The following MYOM2 variants were observed in gnomAD, a reference collection of about 807,000 sequenced individuals.
The protein encoded by MYOM2 is myomesin 2, also known as myomesin-2.
Under a neutral mutation model 187.6 loss-of-function variants are expected in MYOM2, and 254 were observed. That is an observed-to-expected ratio of 1.35 (90% CI 1.22 to 1.50). The LOEUF (loss-of-function observed/expected upper bound fraction) is 1.50. MYOM2 is among the 40% of genes most tolerant of loss of function. The pLI, the probability that MYOM2 is intolerant of heterozygous loss-of-function variation, is 0.00. For synonymous variants in MYOM2, 981 were observed against 753.8 expected (o/e 1.30, Z -4.94); for missense variants, 2,796 against 1,924.0 (o/e 1.45, Z -8.48).
At position 2,058,638 on chromosome 8, in the gene MYOM2, G is replaced by C. The variant is rs143134355; in HGVS notation, c.561-515G>C. On this transcript the variant is annotated intron_variant, in intron 5 of 36. Coordinates refer to ENST00000262113, the MANE Select transcript of MYOM2 (RefSeq NM_003970.4). ...CTGAGCCACAGACCAGGCATATCGT[G>C]GCTGATGGCTGGATCCTGAGGTTCT... 1.6e-3 allele frequency among the ~76,000 whole-genome samples: 250 copies of C among 152,276 alleles called. 1 individual carries two copies. The highest frequency in any genetic ancestry group is 5.7e-3 in the African/African-American group (238 of 41,556).
chr8:2,140,006 C>T (rs28399341), intron 32 of MYOM2, among the ~76,000 whole-genome samples: 9,125 of 152,162 alleles, frequency 0.06, 426 homozygotes, highest in African/African-American at 0.13. Context: ...GCAGGCACCA[C>T]CACCACCCAG....
intron 16 of MYOM2, among the ~76,000 whole-genome samples, chr8:2,093,098 T>A (rs1231796611): frequency 2.6e-5 from 4 of 152,268 alleles, no homozygotes; most frequent in African/African-American, 9.6e-5. Context: ...GCGATACGCG[T>A]CTTAGGAAAA....
chr8:2,144,221 C>T (rs2116930573), intron 36 of MYOM2, among the ~76,000 whole-genome samples: 1 of 152,290 alleles, frequency 6.6e-6, no homozygotes, highest in African/African-American at 2.4e-5. Flanking sequence ...TTCAAGAATG[C>T]ATTTTTTTGC....
intron 14 of MYOM2, among the ~76,000 whole-genome samples, chr8:2,086,255 G>GCCCCACTGTCATGATCTCTGGCA (rs1276450101): frequency 1.4e-5 from 1 of 70,916 alleles, no homozygotes; most frequent in African/African-American, 3.7e-5. Context: ...TCTTTGCGTG[G>GCCCCACTGTCATGATCTCTGGCA]CCCCACTGTC....
chr8:2,053,713 A>AC (rs1314162076), intron 3 of MYOM2, among the ~76,000 whole-genome samples: 1 of 152,142 alleles, frequency 6.6e-6, no homozygotes, highest in Admixed American at 6.5e-5. Context: ...TTCTCACGGC[A>AC]CCTCTGATCC....
At chr8:2,129,002 T>C (rs1797755188) in intron 31 of MYOM2, 125 bp from the exon 32 acceptor site, 2 of 614,732 alleles carry the variant, frequency 3.3e-6, no homozygotes, top group Non-Finnish European at 5.8e-6. Flanking sequence ...TGGCCGACTT[T>C]ATGAGAGACA....
At chr8:2,057,510 G>C in intron 4 of MYOM2, 24 bp downstream of exon 4, 2 of 1,613,678 alleles carry the variant, frequency 1.2e-6, no homozygotes, top group Non-Finnish European at 1.7e-6. Flanking sequence ...AGGGTGGCTG[G>C]GTGTCTGGGA....
chr8:2,072,234 GC>G (rs1344298204), intron 8 of MYOM2, 110 bp from the exon 9 acceptor site: 2 of 132,176 alleles, frequency 1.5e-5, no homozygotes. Flanking sequence ...CCGTCCCCCC[GC>G]CCCCCGCCCC....
In MYOM2 at chr8:2,094,051, T is replaced by A. The variant is rs771867826; in HGVS notation, c.2085T>A (p.Asn695Lys). The A allele has an allele frequency of 3.7e-5, 60 of 1,613,908 alleles. 1 individual carries two copies. The South Asian group carries it at 6.0e-4, about 16-fold the overall frequency. ...KAVNAVGMSE[N>K]SQESDVIKVQ... ...TCAATGCTGTGGGGATGAGTGAAAA[T>A]TCCCAGGAATCAGACGTCATAAAAG... is the stretch of plus-strand genomic sequence containing the variant. Residue 695 changes from asparagine to lysine, a missense_variant, in exon 17 of 37, where the codon AAT becomes AAA. Coordinates refer to ENST00000262113, the MANE Select transcript of MYOM2 (RefSeq NM_003970.4).
intron 9 of MYOM2, among the ~76,000 whole-genome samples, chr8:2,072,736 G>C (rs974687962): frequency 6.6e-6 from 1 of 152,222 alleles, no homozygotes; most frequent in Admixed American, 6.5e-5. Flanking sequence ...GCCACTTAGA[G>C]ACTGAGCGCT....
chr8:2,139,355 G>A (rs992811900), intron 32 of MYOM2, among the ~76,000 whole-genome samples: 3 of 151,960 alleles, frequency 2.0e-5, no homozygotes, highest in Admixed American at 2.0e-4. Flanking sequence ...TTTCCAGGCT[G>A]GTCTCCAACT....
chr8:2,051,696 A>T (rs1818494889), intron 2 of MYOM2, among the ~76,000 whole-genome samples: 1 of 152,218 alleles, frequency 6.6e-6, no homozygotes, highest in South Asian at 2.1e-4. Flanking sequence ...TGTGGCCGGC[A>T]CTGGCTGGCT....
chr8:2,057,275 C>A (rs1382453592), intron 3 of MYOM2, 73 bp from the exon 4 acceptor site: 5 of 1,527,764 alleles, frequency 3.3e-6, no homozygotes, highest in Non-Finnish European at 4.4e-6. Context: ...TGGGCATGCC[C>A]TTTCCGGCCT....
intron 31 of MYOM2, among the ~76,000 whole-genome samples, chr8:2,128,862 G>A (rs1797749729): frequency 6.6e-6 from 1 of 152,208 alleles, no homozygotes; most frequent in Non-Finnish European, 1.5e-5. Context: ...AGGGGCAGAT[G>A]TTGAATCTTT....
At chr8:2,141,017 A>G (rs528471676) in intron 33 of MYOM2, 124 bp from the exon 34 acceptor site, 1 of 1,328,128 alleles carries the variant, frequency 7.5e-7, no homozygotes, top group Admixed American at 2.5e-5. Context: ...AAAATGAAAA[A>G]ATAAATTTAT....
rs570418643 is a variant in MYOM2 at position 2,073,874 on chromosome 8, G to A, written c.1120+374G>A. On this transcript the variant is annotated intron_variant, in intron 10 of 36. Transcript: ENST00000262113. ...CACAGTGTTGGAGTCCCAGGGAAGA[G>A]CTTCCTTACTCTCCTGCCAGCGACT... Among the ~76,000 whole-genome samples, 70 of 152,328 alleles carry A rather than the reference G, an allele frequency of 4.6e-4. 1 individual carries two copies. Among genetic ancestry groups the A allele is most frequent in the African/African-American group, 1.6e-3 (67 of 41,576 alleles).
Position 2,124,231 on chromosome 8 carries a change from T to C in MYOM2, c.3694+14T>C. ...GTAGAGTCTGTGGTAAGTAAATGCC[T>C]TTTAATTTTCAAGTCATTTGGGGTG... On this transcript the variant is annotated intron_variant, in intron 31 of 36. Transcript: ENST00000262113. 6.2e-7 allele frequency: 1 copy of C among 1,608,342 alleles called. No individual in the cohort carries two copies. The highest frequency in any genetic ancestry group is 1.1e-5 in the South Asian group (1 of 90,336).
chr8:2,060,030 C>T (rs1313328395), intron 6 of MYOM2, among the ~76,000 whole-genome samples: 1 of 152,250 alleles, frequency 6.6e-6, no homozygotes, highest in Non-Finnish European at 1.5e-5. Flanking sequence ...GCATGAGCCA[C>T]TGCCCCCGGC....
At chr8:2,046,352 T>A (rs1460825199) in intron 1 of MYOM2, among the ~76,000 whole-genome samples, 2 of 152,172 alleles carry the variant, frequency 1.3e-5, no homozygotes, top group Admixed American at 1.3e-4. Context: ...CCTGGTGTCA[T>A]GATTCCTAAA....
Sources: gnomAD v4.1 joint callset for allele counts (sites outside exome capture counted in the v4.1 genomes callset) on GRCh38, gnomAD v4.1.1 for gene constraint, MANE v1.5 for transcripts, NCBI Gene and HGNC (gene_info 2026-07-23, HGNC 2026-07-21) for gene names.